The following TRIM33 variants were observed in gnomAD, a reference collection of about 807,000 sequenced individuals.
The protein encoded by TRIM33 is tripartite motif containing 33.
A neutral mutation model predicts 125.4 loss-of-function variants in TRIM33; 20 were observed. The ratio of observed to expected loss-of-function variants is 0.16; its 90% CI spans 0.11 to 0.23. The LOEUF (loss-of-function observed/expected upper bound fraction) is 0.23. Among genes scored for constraint, TRIM33 ranks in the 10% least tolerant of loss-of-function variants. The pLI is 1.00. For synonymous variants in TRIM33, 564 were observed against 513.9 expected (o/e 1.10, Z -1.32); for missense variants, 920 against 1,411.4 (o/e 0.65, Z 5.58).
chr1:114,500,119 A>G (rs1462251640), intron 1 of TRIM33, among the ~76,000 whole-genome samples: 1 of 152,174 alleles, frequency 6.6e-6, no homozygotes, highest in African/African-American at 2.4e-5. Flanking sequence ...GTGAGCAGAG[A>G]TCGTGCCATT....
chr1:114,508,053 G>A (rs1224317071), intron 1 of TRIM33, among the ~76,000 whole-genome samples: 1 of 152,092 alleles, frequency 6.6e-6, no homozygotes, highest in African/African-American at 2.4e-5. Flanking sequence ...GGAGGCAGAG[G>A]CTGCAGTAAG....
intron 11 of TRIM33, among the ~76,000 whole-genome samples, chr1:114,417,193 G>C (rs1282413991): frequency 1.3e-5 from 2 of 152,242 alleles, no homozygotes; most frequent in African/African-American, 4.8e-5. Context: ...GTTTCCAGGG[G>C]CTGGAAGAGA....
chr1:114,470,543 A>G (rs1334265303), intron 1 of TRIM33, among the ~76,000 whole-genome samples: 1 of 152,040 alleles, frequency 6.6e-6, no homozygotes, highest in African/African-American at 2.4e-5. Flanking sequence ...AATGCCTGAG[A>G]CCAAACAATA....
At chr1:114,401,577 C>T (rs1234870761) in intron 16 of TRIM33, 114 bp from the exon 17 acceptor site, 1 of 732,206 alleles carries the variant, frequency 1.4e-6, no homozygotes, top group African/African-American at 1.8e-5. Flanking sequence ...GAACACAAGC[C>T]CCCTGTTTAC....
intron 4 of TRIM33, among the ~76,000 whole-genome samples, chr1:114,457,290 T>C (rs999863802): frequency 1.3e-5 from 2 of 152,170 alleles, no homozygotes; most frequent in African/African-American, 2.4e-5. Context: ...CCACACATAC[T>C]AATGCAGACT....
intron 11 of TRIM33, among the ~76,000 whole-genome samples, chr1:114,411,785 G>GAAGC (rs1208197524): frequency 6.6e-6 from 1 of 152,154 alleles, no homozygotes; most frequent in Non-Finnish European, 1.5e-5. Flanking sequence ...GGTGCTAACT[G>GAAGC]AAGCATTCAC....
chr1:114,439,091 C>T (rs1458738192), intron 4 of TRIM33, among the ~76,000 whole-genome samples: 2 of 152,174 alleles, frequency 1.3e-5, no homozygotes, highest in Admixed American at 6.6e-5. Context: ...AGTGACATCA[C>T]CTGATATTTC....
chr1:114,458,710 C>T (rs1255261951), intron 4 of TRIM33, among the ~76,000 whole-genome samples: 2 of 152,188 alleles, frequency 1.3e-5, no homozygotes, highest in African/African-American at 2.4e-5. Flanking sequence ...TTCTCTGCTA[C>T]ACCTCCTGCT....
Position 114,433,649 on chromosome 1 carries a change from A to G in TRIM33, c.1008T>C (p.Tyr336=), listed in dbSNP as rs147296051. Residue 336 remains tyrosine (Y), a synonymous_variant, in exon 5 of 20, where the codon TAT becomes TAC. Coordinates refer to ENST00000358465, the MANE Select transcript of TRIM33 (RefSeq NM_015906.4). ...GCACCTGAGTAGCTGCAAAATGAAC[A>G]TAATTCTTCTTCTCAAGAAGTTTCG... is the stretch of plus-strand genomic sequence containing the variant. ...LLAKLLEKKN[Y]VHFAATQVQN... The G allele has an allele frequency of 8.7e-4, 1,404 of 1,611,662 alleles. No homozygotes were observed. The highest frequency in any genetic ancestry group is 1.1e-3 in the Non-Finnish European group (1,292 of 1,178,896).
intron 1 of TRIM33, among the ~76,000 whole-genome samples, chr1:114,472,464 GGCTCACGCCTGTAATCCCAACATTTT>G (rs1650705822): frequency 6.6e-6 from 1 of 152,226 alleles, no homozygotes; most frequent in Non-Finnish European, 1.5e-5. Flanking sequence ...CAGATGCTGT[GGCTCACGCCTGTAATCCCAACATTTT>G]GGGAGCCAGA....
chr1:114,461,031 T>TTA (rs1168035770), intron 4 of TRIM33, among the ~76,000 whole-genome samples: 1 of 151,378 alleles, frequency 6.6e-6, no homozygotes, highest in African/African-American at 2.4e-5. Flanking sequence ...CACCCCCAAT[T>TTA]TATAGTAAGT....
intron 1 of TRIM33, among the ~76,000 whole-genome samples, chr1:114,488,645 T>C (rs1179505166): frequency 1.3e-5 from 2 of 151,956 alleles, no homozygotes; most frequent in African/African-American, 4.8e-5. Context: ...GCGGCTGCAG[T>C]CCCAGCTACT....
chr1:114,397,206 T>A lies in TRIM33; in HGVS notation c.*442A>T, dbSNP rs1335118282. On this transcript the variant is annotated 3_prime_UTR_variant, in exon 20 of 20. Transcript: ENST00000358465. ...TAACTAGAAAACAACCTGATATGTA[T>A]GTGTGTGAAGGGGGAGGGTTAAAAG... 4 of 239,228 alleles carry A rather than the reference T, an allele frequency of 1.7e-5. No individual in the cohort carries two copies. Among genetic ancestry groups the A allele is most frequent in the Non-Finnish European group, 2.5e-5 (3 of 120,742 alleles). The allele number at this position is 239,228 out of a possible 1,614,324, so 14.8% of individuals were successfully genotyped here.
Position 114,510,861 on chromosome 1 carries a change from C to T in TRIM33, c.216G>A (p.Ser72=). The T allele has an allele frequency of 6.8e-7, 1 of 1,469,610 alleles. No individual in the cohort carries two copies. The highest frequency in any genetic ancestry group is 9.0e-7 in the Non-Finnish European group (1 of 1,117,316). 91.0% of individuals were successfully genotyped at this position (1,469,610 alleles called of 1,614,324 possible). ...GAGATGAAGCAGCCTGGGCCGAGCC[C>T]GAGGAGGCCGCGGCCACCCCCCCGT... ...PDDGGVAAAS[S]GSAQAASSPA... is the part of the protein sequence containing the mutation. The change falls in exon 1 of 20, where the codon TCG becomes TCA. Residue 72 remains serine, a synonymous_variant. Coordinates refer to ENST00000358465, the MANE Select transcript of TRIM33 (RefSeq NM_015906.4).
Position 114,425,651 on chromosome 1 carries a change from C to G in TRIM33, c.1493G>C (p.Gly498Ala). Residue 498 changes from glycine to alanine, a missense_variant, in exon 9 of 20, where the codon GGG becomes GCG. Physicochemically the swap from Gly to Ala is moderately conservative, Grantham distance 60. Coordinates refer to ENST00000358465, the MANE Select transcript of TRIM33 (RefSeq NM_015906.4). ...PNVVVGQVPP[G>A]TNHISKTPGQ... Reference sequence around the variant, plus strand: ...AGGGGTTTTACTAATGTGGTTTGTCCCTGGAGGAACTTGCCCAACTACAAC... The same window carrying G: ...AGGGGTTTTACTAATGTGGTTTGTCGCTGGAGGAACTTGCCCAACTACAAC... 6.2e-7 allele frequency: 1 copy of G among 1,613,986 alleles called. No individual in the cohort carries two copies. Among genetic ancestry groups the G allele is most frequent in the South Asian group, 1.1e-5 (1 of 91,070 alleles).
intron 16 of TRIM33, among the ~76,000 whole-genome samples, chr1:114,402,191 A>C (rs1405488116): frequency 6.6e-6 from 1 of 152,164 alleles, no homozygotes; most frequent in African/African-American, 2.4e-5. Flanking sequence ...TCCATTTTTA[A>C]TATGATGAGA....
Position 114,425,577 on chromosome 1 carries a change from CTTG to C in TRIM33, c.1564_1566del (p.Gln522del), listed in dbSNP as rs748821169. On this transcript the variant is annotated inframe_deletion, in exon 9 of 20. Transcript: ENST00000358465. ...AACTGCTGATGTTTCTGTGCATATA[CTTG>C]TTGTTGCATGTGCTGGAGTCGAAGC... 6.8e-6 allele frequency: 11 copies of C among 1,614,100 alleles called. No individual in the cohort carries two copies. Among genetic ancestry groups the C allele is most frequent in the Middle Eastern group, 1.6e-4 (1 of 6,062 alleles).
At chr1:114,460,571 AC>A (rs1234879983) in intron 4 of TRIM33, among the ~76,000 whole-genome samples, 25 of 46,862 alleles carry the variant, frequency 5.3e-4, no homozygotes, top group African/African-American at 1.9e-3. Context: ...ACCCCCCGCC[AC>A]CTTTTTTTTT....
At chr1:114,500,746 CAA>C (rs371461723) in intron 1 of TRIM33, among the ~76,000 whole-genome samples, 1 of 138,276 alleles carries the variant, frequency 7.2e-6, no homozygotes. Flanking sequence ...CTAAGAACAG[CAA>C]AAAAAAAAGG....
Sources: allele counts gnomAD v4.1 joint callset (sites outside exome capture counted in the v4.1 genomes callset), GRCh38; gene constraint gnomAD v4.1.1; transcripts MANE v1.5; gene names NCBI Gene and HGNC (gene_info 2026-07-23, HGNC 2026-07-21).